The following DNAH7 variants were observed in gnomAD, a reference collection of about 807,000 sequenced individuals.
DNAH7 encodes the protein axonemal beta dynein heavy chain 7.
In DNAH7, 397 loss-of-function variants were observed where a neutral mutation model predicts 444.6. The ratio of observed to expected loss-of-function variants is 0.89; its 90% CI spans 0.82 to 0.97. DNAH7 has a LOEUF of 0.97. DNAH7 is among the 50% of genes least tolerant of loss of function. The pLI is 0.00. For synonymous variants in DNAH7, 1,636 were observed against 1,624.4 expected, an observed-to-expected ratio of 1.01 and a Z score of -0.17; for missense variants, 4,902 against 4,800.8, an observed-to-expected ratio of 1.02 and a Z score of -0.62.
chr2:196,018,182 T>C (rs907969442), intron 9 of DNAH7, among the ~76,000 whole-genome samples: 7 of 152,104 alleles, frequency 4.6e-5, no homozygotes, highest in Admixed American at 2.0e-4. Context: ...AACAAACACA[T>C]GAAAAGATGT....
chr2:195,951,615 T>TG (rs1425675749), intron 19 of DNAH7, among the ~76,000 whole-genome samples: 4 of 152,210 alleles, frequency 2.6e-5, no homozygotes, highest in Non-Finnish European at 5.9e-5. Flanking sequence ...TGAATCTGGG[T>TG]GCTCCTATGT....
intron 47 of DNAH7, among the ~76,000 whole-genome samples, chr2:195,840,154 C>A (rs1215995397): frequency 2.0e-5 from 3 of 151,646 alleles, no homozygotes; most frequent in Non-Finnish European, 4.4e-5. Context: ...TAAGAGAATA[C>A]ATTATGACCA....
intron 58 of DNAH7, among the ~76,000 whole-genome samples, chr2:195,782,369 T>C (rs1382276804): frequency 6.6e-6 from 1 of 152,216 alleles, no homozygotes; most frequent in Non-Finnish European, 1.5e-5. Context: ...GCAATACAAT[T>C]ACTATGCTGG....
chr2:195,861,667 G>GT (rs769358988), intron 42 of DNAH7, 50 bp downstream of exon 42: 3 of 1,312,278 alleles, frequency 2.3e-6, no homozygotes, highest in Non-Finnish European at 3.2e-6. Context: ...GCACACACAA[G>GT]TATTTTTAAT....
chr2:195,888,642 G>C (rs1701842799), intron 32 of DNAH7, among the ~76,000 whole-genome samples, 157 bp downstream of exon 32: 1 of 151,972 alleles, frequency 6.6e-6, no homozygotes, highest in African/African-American at 2.4e-5. Context: ...AATTAGTCAA[G>C]ATATGTCAAC....
intron 49 of DNAH7, 71 bp downstream of exon 49, chr2:195,824,184 T>G: frequency 7.3e-7 from 1 of 1,372,030 alleles, no homozygotes; most frequent in Non-Finnish European, 9.8e-7. Flanking sequence ...TTGTTCTTCT[T>G]ATGACTCAGG....
intron 21 of DNAH7, among the ~76,000 whole-genome samples, chr2:195,929,610 T>C (rs1010579624): frequency 3.9e-5 from 6 of 152,108 alleles, no homozygotes; most frequent in Non-Finnish European, 7.4e-5. Context: ...TCAACAAAAA[T>C]AAGCAATGGA....
intron 19 of DNAH7, among the ~76,000 whole-genome samples, chr2:195,955,189 C>A (rs1009364317): frequency 5.3e-5 from 8 of 152,062 alleles, no homozygotes; most frequent in African/African-American, 1.4e-4. Flanking sequence ...TCCATCTTGA[C>A]TTAATTTTTG....
intron 1 of DNAH7, 103 bp from the exon 2 acceptor site, chr2:196,058,219 A>T: frequency 1.4e-6 from 1 of 715,326 alleles, no homozygotes; most frequent in Non-Finnish European, 2.2e-6. Flanking sequence ...TACATCATCC[A>T]AAATATTCTA....
intron 2 of DNAH7, among the ~76,000 whole-genome samples, chr2:196,053,426 G>C (rs1697608366): frequency 6.6e-6 from 1 of 152,200 alleles, no homozygotes. Context: ...GCTCTCAATG[G>C]CATCTTAGTT....
At chr2:196,001,550 T>A in intron 11 of DNAH7, 125 bp downstream of exon 11, 1 of 884,182 alleles carries the variant, frequency 1.1e-6, no homozygotes, top group Non-Finnish European at 1.6e-6. Flanking sequence ...TCTTTTAAGA[T>A]AAGTGTAATA....
intron 27 of DNAH7, chr2:195,904,086 G>A (rs1394625335): frequency 6.6e-6 from 1 of 152,282 alleles, no homozygotes; most frequent in African/African-American, 2.4e-5. Context: ...TTTACATGGA[G>A]TTGACCACAG....
rs1299710629 is a variant in DNAH7, at chr2:195,738,180, CAT to C, written c.11869-55_11869-54del. Reference sequence around the variant, plus strand: ...AAGTCAAGGCTGTTTGTTAAATGTACATGTGTTTGAGCCTACTATAGTATTCT... The same window carrying C: ...AAGTCAAGGCTGTTTGTTAAATGTACGTGTTTGAGCCTACTATAGTATTCT... On this transcript the variant is annotated intron_variant, in intron 64 of 64. Transcript: ENST00000312428. 6.7e-5 allele frequency: 101 copies of C among 1,504,718 alleles called. No individual in the cohort carries two copies. The South Asian group carries it at 9.3e-4, about 14-fold the overall frequency. 93.2% of individuals were successfully genotyped at this position (1,504,718 alleles called of 1,614,324 possible). A position where few individuals can be genotyped will look rare whatever the true frequency, so the allele number is the denominator to read the frequency against.
At chr2:195,958,818 A>C (rs1365932307) in intron 18 of DNAH7, among the ~76,000 whole-genome samples, 1 of 152,184 alleles carries the variant, frequency 6.6e-6, no homozygotes, top group Non-Finnish European at 1.5e-5. Flanking sequence ...ACATCTATTT[A>C]TCAATGGAGA....
At position 195,817,716 on chromosome 2, in the gene DNAH7, T is replaced by C; in HGVS notation, c.9405A>G (p.Leu3135=). ...AAAACCTTTTATTTTCAGCTCCTTGTAATATCAAGGCTTGCTTTTCTTCTT... is the reference window on the plus strand; with the variant it reads ...AAAACCTTTTATTTTCAGCTCCTTGCAATATCAAGGCTTGCTTTTCTTCTT... ...DLEEEKQALI[L]QGAENKRQLK... Residue 3135 remains leucine, a synonymous_variant, in exon 50 of 65, where the codon TTA becomes TTG. Transcript: ENST00000312428. 6.2e-7 allele frequency: 1 copy of C among 1,609,100 alleles called. No homozygotes were observed. The highest frequency in any genetic ancestry group is 1.3e-5 in the African/African-American group (1 of 74,714).
At chr2:196,013,223 G>A (rs1694822733) in intron 9 of DNAH7, among the ~76,000 whole-genome samples, 2 of 152,112 alleles carry the variant, frequency 1.3e-5, no homozygotes, top group African/African-American at 4.8e-5. Context: ...AAGAGGGAGG[G>A]CTCAATGCTT....
chr2:195,900,254 T>G, intron 28 of DNAH7, 28 bp downstream of exon 28: 1 of 1,608,344 alleles, frequency 6.2e-7, no homozygotes. Flanking sequence ...ATAGGAAATT[T>G]ACAAGTAAGA....
rs758820750 is a variant in DNAH7 at position 195,970,021 on chromosome 2, T to C, written c.2132A>G (p.Asp711Gly). The change falls in exon 17 of 65, where the codon GAT becomes GGT. Residue 711 changes from aspartate (D) to glycine (G), a missense_variant. Physicochemically the swap from Asp to Gly is moderately conservative, Grantham distance 94. Coordinates refer to ENST00000312428, the MANE Select transcript of DNAH7 (RefSeq NM_018897.3). ...TAGGTACCGCTGAACATCCTGAAGA[T>C]CTCCAAATGAATAAAATTCTTCTGA... ...KQSEEFYSFG[D>G]LQDVQRYLKK... 1.2e-5 allele frequency: 20 copies of C among 1,612,866 alleles called. No homozygotes were observed. Among genetic ancestry groups the C allele is most frequent in the Middle Eastern group, 1.6e-4 (1 of 6,072 alleles).
intron 61 of DNAH7, among the ~76,000 whole-genome samples, chr2:195,768,375 T>A (rs1205527335): frequency 6.6e-6 from 1 of 151,750 alleles, no homozygotes; most frequent in East Asian, 1.9e-4. Context: ...TTTATCAGTA[T>A]GTCTTGGCAT....
Sources: allele counts gnomAD v4.1 joint callset (sites outside exome capture counted in the v4.1 genomes callset), GRCh38; gene constraint gnomAD v4.1.1; transcripts MANE v1.5; gene names NCBI Gene and HGNC (gene_info 2026-07-23, HGNC 2026-07-21).